The following RTN1 variants were observed in gnomAD, a reference collection of about 807,000 sequenced individuals.
RTN1 encodes reticulon-1.
RTN1 carries 25 observed loss-of-function variants against 65.5 expected under a neutral mutation model. The ratio of observed to expected loss-of-function variants is 0.38; its 90% CI spans 0.28 to 0.53. RTN1 has a LOEUF of 0.53. Among genes scored for constraint, RTN1 ranks in the 20% least tolerant of loss-of-function variants. The pLI, the probability that RTN1 is intolerant of heterozygous loss-of-function variation, is 0.79. For synonymous variants in RTN1, 471 were observed against 447.6 expected (o/e 1.05, Z -0.66); for missense variants, 983 against 1,025.4 (o/e 0.96, Z 0.57).
chr14:59,785,811 C>T (rs1410298561), intron 1 of RTN1, among the ~76,000 whole-genome samples: 1 of 152,200 alleles, frequency 6.6e-6, no homozygotes, highest in East Asian at 1.9e-4. Context: ...TTCCACCCTT[C>T]CATTCACCCA....
At chr14:59,607,147 G>C (rs1311803962) in intron 4 of RTN1, 138 bp downstream of exon 4, 2 of 658,926 alleles carry the variant, frequency 3.0e-6, no homozygotes, top group Non-Finnish European at 5.2e-6. Context: ...GATATTCAAA[G>C]ACAGGGTGTT....
intron 2 of RTN1, among the ~76,000 whole-genome samples, chr14:59,741,280 A>G (rs1885111354): frequency 6.6e-6 from 1 of 152,194 alleles, no homozygotes; most frequent in Non-Finnish European, 1.5e-5. Context: ...TCAGATAGCT[A>G]CATGACTTGC....
At chr14:59,805,973 C>T (rs1886628795) in intron 1 of RTN1, among the ~76,000 whole-genome samples, 1 of 152,156 alleles carries the variant, frequency 6.6e-6, no homozygotes, top group African/African-American at 2.4e-5. Flanking sequence ...CACTGTGGCT[C>T]ATGCTTGTAA....
chr14:59,777,906 A>G (rs78611282), intron 1 of RTN1, among the ~76,000 whole-genome samples: 2,488 of 151,914 alleles, frequency 0.016, 37 homozygotes, highest in Non-Finnish European at 0.027. Flanking sequence ...TCCTGTGCCA[A>G]GTCAGGGTGG....
At chr14:59,738,540 T>C (rs1023283632) in intron 2 of RTN1, among the ~76,000 whole-genome samples, 37 of 152,354 alleles carry the variant, frequency 2.4e-4, no homozygotes, top group African/African-American at 7.5e-4. Flanking sequence ...GGAATGCTTT[T>C]ACATTGTTAG....
At chr14:59,597,219 A>C (rs1314029151) in intron 8 of RTN1, among the ~76,000 whole-genome samples, 1 of 152,240 alleles carries the variant, frequency 6.6e-6, no homozygotes, top group South Asian at 2.1e-4. Flanking sequence ...TATGTTGGAC[A>C]TAGGAAAAGG....
chr14:59,836,372 T>C lies in RTN1; in HGVS notation c.241+34018A>G, dbSNP rs755543947. ...TGACAATCCTATGAGGTTGGTCCCA[T>C]TGTCCCCATTATAGAGATGAGGACT... On this transcript the variant is annotated intron_variant, in intron 1 of 8. Coordinates refer to ENST00000267484, the MANE Select transcript of RTN1 (RefSeq NM_021136.3). This position sits in a 1 kb window ranked among gnomAD's most constrained non-coding sequence, Gnocchi z 4.9. Among the ~76,000 whole-genome samples, 1 of 152,246 alleles carries C rather than the reference T, an allele frequency of 6.6e-6. No homozygotes were observed. Among genetic ancestry groups the C allele is most frequent in the Admixed American group, 6.5e-5 (1 of 15,278 alleles).
At chr14:59,647,933 C>A (rs1470579705) in intron 3 of RTN1, among the ~76,000 whole-genome samples, 3 of 151,994 alleles carry the variant, frequency 2.0e-5, no homozygotes, top group Non-Finnish European at 4.4e-5. Flanking sequence ...CAAGAAATAA[C>A]CAAAATCAGG....
chr14:59,783,407 A>C (rs1373362154), intron 1 of RTN1, among the ~76,000 whole-genome samples: 1 of 152,146 alleles, frequency 6.6e-6, no homozygotes, highest in Non-Finnish European at 1.5e-5. Flanking sequence ...CTGGGTGCTT[A>C]GGGAATAATA....
intron 3 of RTN1, among the ~76,000 whole-genome samples, chr14:59,670,608 A>G (rs1883481682): frequency 6.6e-6 from 1 of 151,750 alleles, no homozygotes; most frequent in African/African-American, 2.4e-5. Context: ...AGTGAAAAGA[A>G]GTTTGACCAA....
intron 3 of RTN1, among the ~76,000 whole-genome samples, chr14:59,655,580 C>A (rs1883106408): frequency 6.6e-6 from 1 of 152,158 alleles, no homozygotes; most frequent in African/African-American, 2.4e-5. Flanking sequence ...TACTACCATG[C>A]TACAATGATC....
Position 59,618,038 on chromosome 14 carries a change from T to A in RTN1, c.1766-10546A>T, listed in dbSNP as rs184885699. ...ATTATGACCGAGACAGCGAAAGAGA[T>A]CTAACTTAACTAACTCCATCTTGCT... On this transcript the variant is annotated intron_variant, in intron 3 of 8. Transcript: ENST00000267484. Among the ~76,000 whole-genome samples the A allele has an allele frequency of 2.1e-4, 32 of 151,722 alleles. No individual in the cohort carries two copies. The East Asian group carries it at 4.1e-3, about 19-fold the overall frequency.
At chr14:59,673,839 A>G (rs934712270) in intron 3 of RTN1, among the ~76,000 whole-genome samples, 1 of 152,178 alleles carries the variant, frequency 6.6e-6, no homozygotes, top group African/African-American at 2.4e-5. Flanking sequence ...CTGTCTGTCT[A>G]TCTGACAGAA....
chr14:59,732,393 C>A (rs1400311137), intron 2 of RTN1, among the ~76,000 whole-genome samples: 1 of 152,164 alleles, frequency 6.6e-6, no homozygotes, highest in Non-Finnish European at 1.5e-5. Context: ...GAATACAGTA[C>A]CTTCAATTAA....
intron 3 of RTN1, among the ~76,000 whole-genome samples, chr14:59,657,764 C>T (rs13379070): frequency 3.3e-5 from 5 of 152,196 alleles, no homozygotes; most frequent in African/African-American, 1.2e-4. Context: ...CAGGAGATTC[C>T]CTCGGGTACC....
rs151249166 is a variant in RTN1 at position 59,809,232 on chromosome 14, G to A, written c.241+61158C>T. ...CTAGCTTTGAACCTCTGGAACCAATGAAGTCTGTTTCTAAGACTTGTATAT... is the reference window on the plus strand; with the variant it reads ...CTAGCTTTGAACCTCTGGAACCAATAAAGTCTGTTTCTAAGACTTGTATAT... On this transcript the variant is annotated intron_variant, in intron 1 of 8. Transcript: ENST00000267484. 2.1e-3 allele frequency among the ~76,000 whole-genome samples: 326 copies of A among 152,158 alleles called. 3 individuals carry two copies. The highest frequency in any genetic ancestry group is 3.4e-3 in the Non-Finnish European group (234 of 68,008).
At chr14:59,839,855 T>C (rs1887279805) in intron 1 of RTN1, among the ~76,000 whole-genome samples, 1 of 152,142 alleles carries the variant, frequency 6.6e-6, no homozygotes, top group Admixed American at 6.6e-5. Context: ...TACAGTATGT[T>C]TTTAGTATTA....
At chr14:59,617,043 T>C (rs998940513) in intron 3 of RTN1, among the ~76,000 whole-genome samples, 1 of 152,366 alleles carries the variant, frequency 6.6e-6, no homozygotes, top group East Asian at 1.9e-4. Flanking sequence ...TATGGAAGTA[T>C]AGTTAATTGC....
At chr14:59,795,243 T>TA (rs1240382313) in intron 1 of RTN1, among the ~76,000 whole-genome samples, 6 of 152,134 alleles carry the variant, frequency 3.9e-5, no homozygotes, top group East Asian at 3.9e-4. Context: ...ATTAAAGATT[T>TA]AAAAAAAATA....
Sources: gnomAD v4.1 joint callset for allele counts (sites outside exome capture counted in the v4.1 genomes callset) on GRCh38, gnomAD v4.1.1 for gene constraint, Gnocchi (gnomAD v3.1) non-coding constraint, MANE v1.5 for transcripts, NCBI Gene and HGNC (gene_info 2026-07-23, HGNC 2026-07-21) for gene names.